RCL1: variants seen among roughly 807,000 people sequenced by gnomAD.
RCL1 encodes RNA terminal phosphate cyclase like 1, also known as RNA 3'-terminal phosphate cyclase-like protein.
Under a neutral mutation model 42.4 loss-of-function variants are expected in RCL1, and 24 were observed. The ratio of observed to expected loss-of-function variants is 0.57; its 90% CI spans 0.41 to 0.80. The LOEUF (loss-of-function observed/expected upper bound fraction) is 0.80. Ranked by LOEUF, RCL1 falls within the 30% of genes least tolerant of loss-of-function variation. RCL1 has a pLI of 0.00. For synonymous variants in RCL1, 228 were observed against 177.3 expected (o/e 1.29, Z -2.27); for missense variants, 578 against 467.9 (o/e 1.24, Z -2.17).
rs750836337 is a variant in RCL1 at position 4,822,689 on chromosome 9, T to TGC, written c.137-858_137-857dup. ...ATAAGAAATTAGCTGGGTGTAGTGG[T>TGC]GCACGTCTGTGGTCCCAGCTACTTG... On this transcript the variant is annotated intron_variant, in intron 1 of 8. Transcript: ENST00000381750. Among the ~76,000 whole-genome samples, 48 of 151,910 alleles carry TGC rather than the reference T, an allele frequency of 3.2e-4. 1 individual carries two copies. The highest frequency in any genetic ancestry group is 1.9e-3 in the Admixed American group (29 of 15,248).
chr9:4,833,105 T>C, intron 3 of RCL1, 49 bp from the exon 4 acceptor site: 1 of 1,309,472 alleles, frequency 7.6e-7, no homozygotes, highest in Non-Finnish European at 1.1e-6. Context: ...GACTCTTGTA[T>C]TCTGCTGAAG....
chr9:4,808,147 C>T lies in RCL1; in HGVS notation c.136+14920C>T, dbSNP rs549713492. Reference sequence around the variant, plus strand: ...TTCTATTGATTATTGAGAGAGGGGTCGCTGACAATAATTGTGGATTTGTTT... The same window carrying T: ...TTCTATTGATTATTGAGAGAGGGGTTGCTGACAATAATTGTGGATTTGTTT... On this transcript the variant is annotated intron_variant, in intron 1 of 8. Transcript: ENST00000381750. Among the ~76,000 whole-genome samples the T allele has an allele frequency of 4.6e-5, 7 of 151,752 alleles. No individual in the cohort carries two copies. The East Asian group carries it at 5.8e-4, about 13-fold the overall frequency.
At chr9:4,818,165 C>T (rs896735113) in intron 1 of RCL1, among the ~76,000 whole-genome samples, 1 of 151,978 alleles carries the variant, frequency 6.6e-6, no homozygotes, top group African/African-American at 2.4e-5. Context: ...AGGTGATCCA[C>T]CCGCCTCGGC....
chr9:4,799,044 CCT>C (rs1254846114), intron 1 of RCL1, among the ~76,000 whole-genome samples: 4 of 118,562 alleles, frequency 3.4e-5, no homozygotes, highest in Non-Finnish European at 7.0e-5. Context: ...CCCCTTCCCC[CCT>C]CTCTCCCTCC....
intron 8 of RCL1, among the ~76,000 whole-genome samples, chr9:4,855,207 T>G (rs777173821): frequency 3.9e-5 from 6 of 152,214 alleles, no homozygotes; most frequent in Non-Finnish European, 7.3e-5. Flanking sequence ...AAAGCCTCAC[T>G]GCAGATAATC....
At chr9:4,812,469 G>A (rs1436591932) in intron 1 of RCL1, among the ~76,000 whole-genome samples, 2 of 151,808 alleles carry the variant, frequency 1.3e-5, no homozygotes, top group African/African-American at 4.8e-5. Flanking sequence ...TCACTATATT[G>A]TGCAGGTTGG....
chr9:4,859,971 G>A (rs1419152423), intron 8 of RCL1, among the ~76,000 whole-genome samples, 154 bp from the exon 9 acceptor site: 1 of 152,060 alleles, frequency 6.6e-6, no homozygotes, highest in African/African-American at 2.4e-5. Context: ...CTGGCTGGCT[G>A]AAAGGAAGTA....
intron 8 of RCL1, among the ~76,000 whole-genome samples, chr9:4,859,481 T>A (rs1818084969): frequency 6.6e-6 from 1 of 152,184 alleles, no homozygotes; most frequent in Non-Finnish European, 1.5e-5. Flanking sequence ...AGTGCAATAT[T>A]CCCAGCACCA....
At chr9:4,805,600 C>G (rs1815909816) in intron 1 of RCL1, among the ~76,000 whole-genome samples, 1 of 152,220 alleles carries the variant, frequency 6.6e-6, no homozygotes, top group African/African-American at 2.4e-5. Context: ...AGCCTGTACT[C>G]TCTTTGACTC....
intron 8 of RCL1, among the ~76,000 whole-genome samples, chr9:4,851,545 A>C (rs1817748786): frequency 6.6e-6 from 1 of 152,240 alleles, no homozygotes; most frequent in African/African-American, 2.4e-5. Context: ...TTGTGAGTAC[A>C]GTTGAGGATA....
At chr9:4,815,731 C>T (rs933927205) in intron 1 of RCL1, among the ~76,000 whole-genome samples, 53 of 152,170 alleles carry the variant, frequency 3.5e-4, no homozygotes, top group Admixed American at 1.7e-3. Context: ...CCACAGGGAG[C>T]TGGGCACGGT....
intron 3 of RCL1, among the ~76,000 whole-genome samples, chr9:4,828,448 T>G (rs532250784): frequency 1.3e-3 from 198 of 152,192 alleles, no homozygotes; most frequent in African/African-American, 4.4e-3. Context: ...TTCAGCTGCA[T>G]AAACTCTTTT....
At chr9:4,847,886 A>C (rs969781935) in intron 7 of RCL1, among the ~76,000 whole-genome samples, 3 of 152,066 alleles carry the variant, frequency 2.0e-5, no homozygotes, top group Non-Finnish European at 4.4e-5. Context: ...TTCCTCCCCA[A>C]ACCCTGCTCA....
At chr9:4,813,680 A>C (rs1816260178) in intron 1 of RCL1, among the ~76,000 whole-genome samples, 1 of 152,208 alleles carries the variant, frequency 6.6e-6, no homozygotes, top group Non-Finnish European at 1.5e-5. Context: ...CAGCCATCCC[A>C]TTACTGGGTA....
intron 5 of RCL1, among the ~76,000 whole-genome samples, chr9:4,835,129 G>T (rs1176577899): frequency 6.6e-6 from 1 of 152,186 alleles, no homozygotes; most frequent in Non-Finnish European, 1.5e-5. Context: ...TTTCAGGTTG[G>T]TCTATGGCAT....
intron 2 of RCL1, among the ~76,000 whole-genome samples, chr9:4,824,672 C>T (rs186145703): frequency 1.8e-4 from 27 of 152,274 alleles, no homozygotes; most frequent in African/African-American, 6.3e-4. Flanking sequence ...CTGACCTTTT[C>T]CCTATCTTGG....
rs188502493 is a variant in RCL1, at chr9:4,800,217, T to A, written c.136+6990T>A. Among the ~76,000 whole-genome samples the A allele has an allele frequency of 3.9e-3, 594 of 152,202 alleles. 4 individuals are homozygous for A. Among genetic ancestry groups the A allele is most frequent in the African/African-American group, 0.013 (525 of 41,548 alleles). On this transcript the variant is annotated intron_variant, in intron 1 of 8. Coordinates refer to ENST00000381750, the MANE Select transcript of RCL1 (RefSeq NM_005772.5). The stretch of plus-strand genomic sequence containing the variant: ...AATTTGTGGACAGGTTTTTCTTTTT[T>A]TTTTTATTTTTATTTTTTATGGTGT...
At chr9:4,828,501 C>T (rs1423955871) in intron 3 of RCL1, among the ~76,000 whole-genome samples, 1 of 150,272 alleles carries the variant, frequency 6.7e-6, no homozygotes, top group African/African-American at 2.4e-5. Flanking sequence ...AATTCTTAAG[C>T]TGTAAAGGAA....
At chr9:4,855,310 C>T (rs531162195) in intron 8 of RCL1, among the ~76,000 whole-genome samples, 3 of 151,522 alleles carry the variant, frequency 2.0e-5, no homozygotes, top group African/African-American at 7.3e-5. Flanking sequence ...GCTATTTGCG[C>T]TGTGTGGGTG....
Sources: allele counts gnomAD v4.1 joint callset (sites outside exome capture counted in the v4.1 genomes callset), GRCh38; gene constraint gnomAD v4.1.1; transcripts MANE v1.5; gene names NCBI Gene and HGNC (gene_info 2026-07-23, HGNC 2026-07-21).